MOB4: variants seen among roughly 807,000 people sequenced by gnomAD.
The protein encoded by MOB4 is MOB-like protein phocein.
In MOB4, 4 loss-of-function variants were observed where a neutral mutation model predicts 32.2. The observed-to-expected ratio is 0.12, with a 90% CI of 0.06 to 0.28. MOB4 has a LOEUF of 0.28. Among genes scored for constraint, MOB4 ranks in the 10% least tolerant of loss-of-function variants. The probability of loss-of-function intolerance (pLI) is 1.00; values close to 1 mark genes in which losing one functional copy is unlikely to be tolerated. For missense variants in MOB4, 158 were observed against 271.2 expected, an observed-to-expected ratio of 0.58 and a Z score of 2.93; for synonymous variants, 88 against 88.1, an observed-to-expected ratio of 1.00 and a Z score of 0.01.
intron 3 of MOB4, 27 bp from the exon 4 acceptor site, chr2:197,540,084 T>G: frequency 6.3e-7 from 1 of 1,587,928 alleles, no homozygotes; most frequent in Non-Finnish European, 8.6e-7. Flanking sequence ...TAGATATGAC[T>G]TTTTATTTAT....
rs1273605846 is a variant in MOB4, at chr2:197,551,794, T to C, written c.*1148T>C. The C allele has an allele frequency of 6.6e-6, 1 of 152,344 alleles. No individual in the cohort carries two copies. Among genetic ancestry groups the C allele is most frequent in the Admixed American group, 6.5e-5 (1 of 15,268 alleles). The allele number at this position is 152,344 out of a possible 1,614,324, so 9.4% of individuals were successfully genotyped here. A position where few individuals can be genotyped will look rare whatever the true frequency, so the allele number is the denominator to read the frequency against. ...TTTTTTTGGACTTTGTTATAATTCA[T>C]TGTGGTAAGAATGATTGAAATGCAG... On this transcript the variant is annotated 3_prime_UTR_variant, in exon 8 of 8. Transcript: ENST00000323303.
Position 197,516,072 on chromosome 2 carries a change from C to G in MOB4, c.-15C>G. The G allele has an allele frequency of 1.9e-6, 3 of 1,583,314 alleles. No homozygotes were observed. The highest frequency in any genetic ancestry group is 2.3e-5 in the East Asian group (1 of 43,554). ...ACATCCGGGTACCGACTCCAGCCGC[C>G]TAGACGCTGGCACTATGGTCATGGC... On this transcript the variant is annotated 5_prime_UTR_variant, in exon 1 of 8. Transcript: ENST00000323303.
At chr2:197,521,613 C>T (rs866753601) in intron 1 of MOB4, among the ~76,000 whole-genome samples, 7 of 152,280 alleles carry the variant, frequency 4.6e-5, no homozygotes, top group African/African-American at 7.2e-5. Context: ...CCATAGAAGA[C>T]GGCCATACCC....
chr2:197,527,582 G>C (rs747221745), intron 2 of MOB4, among the ~76,000 whole-genome samples: 21 of 152,278 alleles, frequency 1.4e-4, no homozygotes, highest in Non-Finnish European at 2.5e-4. Flanking sequence ...GTCATTTGTG[G>C]ATAGAGATAG....
intron 5 of MOB4, among the ~76,000 whole-genome samples, chr2:197,541,971 G>A (rs1360777799): frequency 6.6e-6 from 1 of 152,224 alleles, no homozygotes; most frequent in African/African-American, 2.4e-5. Context: ...CTACATCTGG[G>A]AAAATCCACA....
chr2:197,525,287 G>T (rs1217557666), intron 2 of MOB4, among the ~76,000 whole-genome samples: 1 of 149,326 alleles, frequency 6.7e-6, no homozygotes, highest in Non-Finnish European at 1.5e-5. Flanking sequence ...CAGTGAGCCT[G>T]CAGTGAGCCG....
In MOB4 at chr2:197,540,094, T is replaced by C. The variant is rs372213187; in HGVS notation, c.225-17T>C. The C allele has an allele frequency of 6.2e-5, 99 of 1,590,070 alleles. No individual in the cohort carries two copies. The Admixed American group carries it at 1.2e-3, about 19-fold the overall frequency. ...AAGAATAGATATGACTTTTTATTTA[T>C]GTATTTGCATTTTCAGGCAGTTCTG... On this transcript the variant is annotated splice_polypyrimidine_tract_variant and intron_variant, in intron 3 of 7. Transcript: ENST00000323303.
chr2:197,537,532 T>G (rs967052797), intron 3 of MOB4, among the ~76,000 whole-genome samples: 2 of 152,254 alleles, frequency 1.3e-5, no homozygotes, highest in African/African-American at 4.8e-5. Flanking sequence ...TAGAAATGGC[T>G]AAGACATTAT....
At chr2:197,530,421 C>A (rs1036198525) in intron 2 of MOB4, among the ~76,000 whole-genome samples, 1 of 151,974 alleles carries the variant, frequency 6.6e-6, no homozygotes, top group African/African-American at 2.4e-5. Flanking sequence ...GAGCACACCA[C>A]CCCTGGCTGA....
intron 1 of MOB4, among the ~76,000 whole-genome samples, chr2:197,520,002 A>C (rs2106102532): frequency 6.6e-6 from 1 of 152,312 alleles, no homozygotes; most frequent in African/African-American, 2.4e-5. Flanking sequence ...ATTTCAAAAA[A>C]GATGAAATGT....
intron 2 of MOB4, among the ~76,000 whole-genome samples, chr2:197,524,384 T>A (rs2106108423): frequency 6.6e-6 from 1 of 151,912 alleles, no homozygotes; most frequent in South Asian, 2.1e-4. Context: ...CATAAAAAAT[T>A]AGCCAGACAT....
intron 5 of MOB4, among the ~76,000 whole-genome samples, chr2:197,543,169 A>T (rs1488383325): frequency 6.6e-6 from 1 of 151,998 alleles, no homozygotes; most frequent in East Asian, 1.9e-4. Context: ...GGGTGTGCAC[A>T]TGTAGTCCCA....
chr2:197,543,065 G>C (rs761345229), intron 5 of MOB4, among the ~76,000 whole-genome samples: 4 of 152,196 alleles, frequency 2.6e-5, no homozygotes, highest in Non-Finnish European at 4.4e-5. Context: ...GCCGAGGCAG[G>C]TGGGTCACCT....
At chr2:197,520,184 CTTTT>C (rs765434673) in intron 1 of MOB4, among the ~76,000 whole-genome samples, 1 of 141,316 alleles carries the variant, frequency 7.1e-6, no homozygotes. Context: ...TGCACTTAAA[CTTTT>C]TTTTTTTTTT....
intron 1 of MOB4, among the ~76,000 whole-genome samples, chr2:197,519,271 C>G (rs551506601): frequency 6.6e-6 from 1 of 152,286 alleles, no homozygotes; most frequent in South Asian, 2.1e-4. Context: ...TTTGGTGTCT[C>G]TCATAGGCAT....
Position 197,550,652 on chromosome 2 carries a change from A to G in MOB4, c.*6A>G, listed in dbSNP as rs2087081738. 6.3e-7 allele frequency: 1 copy of G among 1,586,138 alleles called. No homozygotes were observed. The highest frequency in any genetic ancestry group is 1.2e-5 in the South Asian group (1 of 85,402). On this transcript the variant is annotated 3_prime_UTR_variant, in exon 8 of 8. Coordinates refer to ENST00000323303, the MANE Select transcript of MOB4 (RefSeq NM_015387.5). ...CTGGGGAAAGTGAAGCATGAAGGGA[A>G]TCATAGGAAAAATGTACTGATCATA...
chr2:197,520,341 G>A (rs1220578496), intron 1 of MOB4, among the ~76,000 whole-genome samples: 4 of 151,924 alleles, frequency 2.6e-5, no homozygotes, highest in African/African-American at 4.8e-5. Flanking sequence ...GGGTTTCACC[G>A]TGTTAGCCAG....
chr2:197,529,345 AT>A (rs1249077617), intron 2 of MOB4, among the ~76,000 whole-genome samples: 1 of 150,168 alleles, frequency 6.7e-6, no homozygotes, highest in Admixed American at 6.7e-5. Flanking sequence ...TTTTATTTTT[AT>A]TTTATTTATT....
chr2:197,543,636 A>T (rs779048790), intron 5 of MOB4, among the ~76,000 whole-genome samples: 1 of 152,240 alleles, frequency 6.6e-6, no homozygotes, highest in Non-Finnish European at 1.5e-5. Context: ...GTAGCATTCC[A>T]CTTATCTAGA....
Sources: gnomAD v4.1 joint callset for allele counts (sites outside exome capture counted in the v4.1 genomes callset) on GRCh38, gnomAD v4.1.1 for gene constraint, MANE v1.5 for transcripts, NCBI Gene and HGNC (gene_info 2026-07-23, HGNC 2026-07-21) for gene names.